DDAH1: variants seen among roughly 807,000 people sequenced by gnomAD.
The protein encoded by DDAH1 is dimethylarginine dimethylaminohydrolase 1, also known as N(G),N(G)-dimethylarginine dimethylaminohydrolase 1.
Under a neutral mutation model 28.8 loss-of-function variants are expected in DDAH1, and 19 were observed. The ratio of observed to expected loss-of-function variants is 0.66; its 90% CI spans 0.46 to 0.97. DDAH1 has a LOEUF of 0.97. Among genes scored for constraint, DDAH1 ranks in the 50% least tolerant of loss-of-function variants. The pLI, the probability that DDAH1 is intolerant of heterozygous loss-of-function variation, is 0.00. For missense variants in DDAH1, 326 were observed against 375.9 expected (o/e 0.87, Z 1.10); for synonymous variants, 153 against 154.4 (o/e 0.99, Z 0.07).
At chr1:85,520,741 T>C (rs12409258) in intron 1 of DDAH1, among the ~76,000 whole-genome samples, 2 of 152,144 alleles carry the variant, frequency 1.3e-5, no homozygotes, top group East Asian at 1.9e-4. Context: ...CAGGGGACAA[T>C]AGGAGTTCAG....
chr1:85,441,875 T>C (rs893583734), intron 1 of DDAH1, among the ~76,000 whole-genome samples: 4 of 152,188 alleles, frequency 2.6e-5, no homozygotes, highest in Admixed American at 1.3e-4. Context: ...GAAAGAATAG[T>C]TTTGATGATA....
intron 1 of DDAH1, among the ~76,000 whole-genome samples, chr1:85,503,453 G>A (rs977044593): frequency 2.0e-5 from 3 of 152,004 alleles, no homozygotes; most frequent in East Asian, 1.9e-4. Flanking sequence ...CACCCACCTC[G>A]GGCCTCCCAA....
intron 1 of DDAH1, among the ~76,000 whole-genome samples, chr1:85,562,906 C>T (rs1659180323): frequency 6.6e-6 from 1 of 152,202 alleles, no homozygotes; most frequent in African/African-American, 2.4e-5. Context: ...AGGACTTCTA[C>T]TTTCAAGCCA....
intron 1 of DDAH1, among the ~76,000 whole-genome samples, chr1:85,555,153 A>T (rs1057184515): frequency 1.3e-5 from 2 of 152,246 alleles, no homozygotes; most frequent in African/African-American, 4.8e-5. Context: ...AGTGCCTTGC[A>T]CACTGGAGTG....
At chr1:85,557,783 G>A (rs1164930785) in intron 1 of DDAH1, among the ~76,000 whole-genome samples, 1 of 152,148 alleles carries the variant, frequency 6.6e-6, no homozygotes, top group South Asian at 2.1e-4. Flanking sequence ...ATTCTTACAG[G>A]AAGAGGAAAT....
At chr1:85,381,125 C>A (rs1650960789) in intron 1 of DDAH1, among the ~76,000 whole-genome samples, 1 of 151,204 alleles carries the variant, frequency 6.6e-6, no homozygotes, top group Non-Finnish European at 1.5e-5. Flanking sequence ...GTAATCCCAG[C>A]TACTCGGGTG....
At chr1:85,490,196 A>T (rs1397875008) in intron 2 of DDAH1, among the ~76,000 whole-genome samples, 2 of 152,232 alleles carry the variant, frequency 1.3e-5, no homozygotes, top group African/African-American at 4.8e-5. Flanking sequence ...AAGAAGAAAA[A>T]GTGAGTTCAT....
chr1:85,323,549 T>G (rs2100784345), intron 5 of DDAH1, among the ~76,000 whole-genome samples: 1 of 152,350 alleles, frequency 6.6e-6, no homozygotes, highest in South Asian at 2.1e-4. Flanking sequence ...GTTGGCTGAT[T>G]TCGAGTGTAC....
intron 2 of DDAH1, chr1:85,488,290 C>T (rs1268436683): frequency 1.3e-5 from 2 of 152,152 alleles, no homozygotes; most frequent in African/African-American, 2.4e-5. Flanking sequence ...AATTTTCTTA[C>T]AGTTCTGGAG....
At position 85,413,850 on chromosome 1, in the gene DDAH1, T is replaced by C. The variant is rs139782109; in HGVS notation, c.303+50893A>G. 5.8e-4 allele frequency among the ~76,000 whole-genome samples: 89 copies of C among 152,364 alleles called. No homozygotes were observed. In the East Asian group the frequency reaches 0.013, roughly 21 times the overall value. ...AAGACAAAAACAGTAACTGAATGTA[T>C]GAATTTCTTAAGTCTTTGGGTAGCT... On this transcript the variant is annotated intron_variant, in intron 1 of 5. Transcript: ENST00000284031.
intron 1 of DDAH1, among the ~76,000 whole-genome samples, chr1:85,562,859 G>A (rs923168429): frequency 3.3e-5 from 5 of 152,118 alleles, no homozygotes; most frequent in Non-Finnish European, 5.9e-5. Flanking sequence ...GCAGCCCTCA[G>A]GAATTAATAC....
chr1:85,510,514 G>A (rs546747460), intron 1 of DDAH1, among the ~76,000 whole-genome samples: 74 of 152,256 alleles, frequency 4.9e-4, no homozygotes, highest in African/African-American at 1.7e-3. Context: ...AACCTTAAAT[G>A]TAAATGGACT....
chr1:85,547,891 A>G (rs576579770), intron 1 of DDAH1, among the ~76,000 whole-genome samples: 3 of 152,368 alleles, frequency 2.0e-5, no homozygotes, highest in African/African-American at 7.2e-5. Flanking sequence ...ATAACAGAAC[A>G]AAGAAAGCTG....
chr1:85,350,574 G>C (rs1649143676), intron 3 of DDAH1, 40 bp from the exon 4 acceptor site: 1 of 1,602,002 alleles, frequency 6.2e-7, no homozygotes, highest in African/African-American at 1.3e-5. Context: ...TAGTATTGCA[G>C]AATAATTCTA....
chr1:85,331,856 G>A (rs1451613776), intron 4 of DDAH1, among the ~76,000 whole-genome samples: 2 of 152,166 alleles, frequency 1.3e-5, no homozygotes, highest in African/African-American at 2.4e-5. Flanking sequence ...AGAGAATGCT[G>A]GAATTCAGCA....
In DDAH1 at chr1:85,560,349, TC is replaced by T. The variant is rs537905372; in HGVS notation, c.-123+17634del. 7.9e-5 allele frequency among the ~76,000 whole-genome samples: 12 copies of T among 151,926 alleles called. No individual in the cohort carries two copies. The South Asian group carries it at 1.9e-3, about 24-fold the overall frequency. On this transcript the variant is annotated intron_variant, in intron 1 of 6. Coordinates refer to the DDAH1 transcript ENST00000426972. The stretch of plus-strand genomic sequence containing the variant: ...AGAAGTTCCTCTAGTAAAAGAAAAA[TC>T]ATATGAGAGAAATTTGGATCTATAC...
chr1:85,562,658 C>T lies in DDAH1; in HGVS notation c.-123+15326G>A, dbSNP rs778627461. ...AAGATGGAAGCAGATATTGGAGCGA[C>T]GCATACACAAACCAAGGAACACTGA... is the stretch of plus-strand genomic sequence containing the variant. On this transcript the variant is annotated intron_variant, in intron 1 of 6. Coordinates refer to the DDAH1 transcript ENST00000426972. Among the ~76,000 whole-genome samples, 5 of 152,130 alleles carry T rather than the reference C, an allele frequency of 3.3e-5. No homozygotes were observed. In the South Asian group the frequency reaches 6.2e-4, roughly 19 times the overall value.
chr1:85,332,461 G>A (rs561737121), intron 4 of DDAH1, among the ~76,000 whole-genome samples: 3 of 152,322 alleles, frequency 2.0e-5, no homozygotes, highest in South Asian at 2.1e-4. Context: ...ACACTAGCAT[G>A]TGTCCTGAGG....
At chr1:85,449,839 G>A (rs1465746230) in intron 1 of DDAH1, among the ~76,000 whole-genome samples, 7 of 152,128 alleles carry the variant, frequency 4.6e-5, no homozygotes, top group African/African-American at 1.4e-4. Flanking sequence ...GTTTGTACTG[G>A]AGAGAGAGGT....
Sources: gnomAD v4.1 joint callset for allele counts (sites outside exome capture counted in the v4.1 genomes callset) on GRCh38, gnomAD v4.1.1 for gene constraint, MANE v1.5 for transcripts, NCBI Gene and HGNC (gene_info 2026-07-23, HGNC 2026-07-21) for gene names.